Variants in ASCC1 observed in about 807,000 individuals in gnomAD.
The protein encoded by ASCC1 is ASC-1 complex subunit P50.
ASCC1 carries 35 observed loss-of-function variants against 46.6 expected under a neutral mutation model. The ratio of observed to expected loss-of-function variants is 0.75; its 90% CI spans 0.57 to 0.99. The LOEUF (loss-of-function observed/expected upper bound fraction) is 0.99, where lower values mean the gene tolerates loss of function less well. Among genes scored for constraint, ASCC1 ranks in the 50% least tolerant of loss-of-function variants. The pLI is 0.00. For missense variants in ASCC1, 376 were observed against 428.7 expected (o/e 0.88, Z 1.09); for synonymous variants, 143 against 146.6 (o/e 0.98, Z 0.18).
chr10:72,136,782 G>A (rs1230982965), intron 7 of ASCC1, among the ~76,000 whole-genome samples: 1 of 152,138 alleles, frequency 6.6e-6, no homozygotes, highest in African/African-American at 2.4e-5. Context: ...CCTGAAGTCA[G>A]CAAGACCATG....
At chr10:72,159,591 C>T (rs1054279822) in intron 6 of ASCC1, among the ~76,000 whole-genome samples, 2 of 152,138 alleles carry the variant, frequency 1.3e-5, no homozygotes, top group African/African-American at 2.4e-5. Flanking sequence ...CAGAACTGAT[C>T]CTTAAACCAG....
At position 72,163,716 on chromosome 10, in the gene ASCC1, C is replaced by T. The variant is rs1849991258; in HGVS notation, c.490-2042G>A. Among the ~76,000 whole-genome samples the T allele has an allele frequency of 2.0e-5, 3 of 151,690 alleles. No homozygotes were observed. In the South Asian group the frequency reaches 6.3e-4, roughly 32 times the overall value. On this transcript the variant is annotated intron_variant, in intron 5 of 9. Coordinates refer to ENST00000672957, the MANE Select transcript of ASCC1 (RefSeq NM_001198800.3). ...CACCACTGCACTCCAGCCTAGGAGA[C>T]AGAGTGAGACTCACTCTGTCTCCAA... is the stretch of plus-strand genomic sequence containing the variant.
chr10:72,173,082 C>T (rs1447865957), intron 5 of ASCC1, among the ~76,000 whole-genome samples: 1 of 149,078 alleles, frequency 6.7e-6, no homozygotes, highest in East Asian at 1.9e-4. Flanking sequence ...CACTAGCATG[C>T]CAAATCAAGA....
intron 5 of ASCC1, among the ~76,000 whole-genome samples, chr10:72,180,294 A>G (rs1007165683): frequency 7.9e-5 from 12 of 151,200 alleles, no homozygotes; most frequent in African/African-American, 2.9e-4. Context: ...GAAAAAAAGA[A>G]AAAAAAAAGA....
chr10:72,134,839 G>A (rs951554972), intron 7 of ASCC1, among the ~76,000 whole-genome samples: 1 of 152,100 alleles, frequency 6.6e-6, no homozygotes, highest in Non-Finnish European at 1.5e-5. Context: ...AGGAATAACC[G>A]TACAGTACAA....
chr10:72,196,686 G>T, intron 5 of ASCC1, 125 bp downstream of exon 5: 1 of 985,006 alleles, frequency 1.0e-6, no homozygotes. Context: ...GAAGCCAAAA[G>T]AAATAGTTAT....
chr10:72,122,406 C>G (rs1185735571), intron 9 of ASCC1, among the ~76,000 whole-genome samples: 1 of 149,306 alleles, frequency 6.7e-6, no homozygotes, highest in Non-Finnish European at 1.5e-5. Flanking sequence ...GGCAACAGAA[C>G]CAGACGCAGT....
chr10:72,098,647 G>A (rs1182641822), intron 9 of ASCC1, among the ~76,000 whole-genome samples: 1 of 152,214 alleles, frequency 6.6e-6, no homozygotes, highest in Non-Finnish European at 1.5e-5. Context: ...GGCCACCATT[G>A]CTTTTCCTCT....
At chr10:72,165,500 G>C (rs747533051) in intron 5 of ASCC1, among the ~76,000 whole-genome samples, 3 of 152,192 alleles carry the variant, frequency 2.0e-5, no homozygotes, top group Non-Finnish European at 4.4e-5. Context: ...TCAGGTCTCT[G>C]GCCTGATAAA....
chr10:72,152,391 T>C (rs1026376097), intron 7 of ASCC1, among the ~76,000 whole-genome samples: 3 of 152,042 alleles, frequency 2.0e-5, no homozygotes, highest in Non-Finnish European at 2.9e-5. Context: ...TGTCCTGGTA[T>C]CCACTACAAC....
chr10:72,114,026 A>G (rs1843213391), intron 9 of ASCC1, among the ~76,000 whole-genome samples: 4 of 152,348 alleles, frequency 2.6e-5, no homozygotes, highest in Middle Eastern at 3.4e-3. Context: ...AATATTTTTT[A>G]TTAATACCTT....
chr10:72,110,725 T>G (rs1842837166), intron 9 of ASCC1, among the ~76,000 whole-genome samples: 1 of 152,180 alleles, frequency 6.6e-6, no homozygotes, highest in Admixed American at 6.5e-5. Flanking sequence ...AGGCGGAGGT[T>G]GCAGTGAGCT....
At chr10:72,172,894 ATATAT>A (rs1456617228) in intron 5 of ASCC1, among the ~76,000 whole-genome samples, 3 of 132,230 alleles carry the variant, frequency 2.3e-5, no homozygotes, top group Non-Finnish European at 4.7e-5. Flanking sequence ...TTTATATTAT[ATATAT>A]TATATATTAT....
rs1047499115 is a variant in ASCC1 at position 72,192,709 on chromosome 10, G to T, written c.489+4102C>A. On this transcript the variant is annotated intron_variant, in intron 5 of 9. Coordinates refer to ENST00000672957, the MANE Select transcript of ASCC1 (RefSeq NM_001198800.3). ...GGATTTCACCCTGTTGGCAAGGCTC[G>T]TCTCAAACTCCTGGCCTCAAGTGAT... Among the ~76,000 whole-genome samples the T allele has an allele frequency of 5.9e-5, 9 of 152,188 alleles. No homozygotes were observed. In the East Asian group the frequency reaches 1.5e-3, roughly 26 times the overall value.
intron 7 of ASCC1, among the ~76,000 whole-genome samples, chr10:72,148,226 T>C (rs1045218838): frequency 2.0e-5 from 3 of 152,194 alleles, no homozygotes; most frequent in African/African-American, 4.8e-5. Context: ...GTGATGAAAC[T>C]GGCAGTATGT....
intron 5 of ASCC1, among the ~76,000 whole-genome samples, chr10:72,179,529 T>C (rs879560021): frequency 5.9e-5 from 9 of 152,192 alleles, no homozygotes; most frequent in African/African-American, 1.4e-4. Context: ...ATTTGTTCTA[T>C]TGGATTAGAG....
intron 5 of ASCC1, among the ~76,000 whole-genome samples, chr10:72,167,545 T>C (rs1850509887): frequency 6.6e-6 from 1 of 152,138 alleles, no homozygotes; most frequent in Admixed American, 6.5e-5. Context: ...TGTAAATTTA[T>C]TTAAAATCAC....
At chr10:72,196,682 A>G (rs549414401) in intron 5 of ASCC1, 129 bp downstream of exon 5, 2 of 971,796 alleles carry the variant, frequency 2.1e-6, no homozygotes, top group Admixed American at 2.5e-5. Context: ...ATAAGAAGCC[A>G]AAAGAAATAG....
intron 4 of ASCC1, among the ~76,000 whole-genome samples, chr10:72,197,611 A>C (rs1373182819): frequency 6.6e-6 from 1 of 152,178 alleles, no homozygotes; most frequent in Non-Finnish European, 1.5e-5. Context: ...TAATTCCTTA[A>C]AAAGTTGAAC....
Sources: allele counts gnomAD v4.1 joint callset (sites outside exome capture counted in the v4.1 genomes callset), GRCh38; gene constraint gnomAD v4.1.1; transcripts MANE v1.5; gene names NCBI Gene and HGNC (gene_info 2026-07-23, HGNC 2026-07-21).